The following LUZP2 variants were observed in gnomAD, a reference collection of about 807,000 sequenced individuals.
The protein encoded by LUZP2 is leucine zipper protein 2.
Under a neutral mutation model 51.6 loss-of-function variants are expected in LUZP2, and 52 were observed. The ratio of observed to expected loss-of-function variants is 1.01; its 90% CI spans 0.81 to 1.27. LUZP2 has a LOEUF of 1.27. LUZP2 is among the 50% of genes most tolerant of loss of function. LUZP2 has a pLI of 0.00. For synonymous variants in LUZP2, 154 were observed against 137.3 expected, an observed-to-expected ratio of 1.12 and a Z score of -0.85; for missense variants, 436 against 395.4, an observed-to-expected ratio of 1.10 and a Z score of -0.87.
At chr11:24,632,696 G>C (rs1854937501) in intron 1 of LUZP2, among the ~76,000 whole-genome samples, 1 of 151,972 alleles carries the variant, frequency 6.6e-6, no homozygotes, top group Non-Finnish European at 1.5e-5. Flanking sequence ...CCTAGCCTAT[G>C]TGAAAAACAT....
chr11:24,656,397 G>T (rs1250243882), intron 1 of LUZP2, among the ~76,000 whole-genome samples: 1 of 152,140 alleles, frequency 6.6e-6, no homozygotes, highest in South Asian at 2.1e-4. Flanking sequence ...ATAGAGGCTT[G>T]GTTACCTAAG....
intron 5 of LUZP2, among the ~76,000 whole-genome samples, chr11:24,783,298 C>A (rs1333497534): frequency 6.6e-6 from 1 of 151,798 alleles, no homozygotes; most frequent in Non-Finnish European, 1.5e-5. Context: ...TATGCCTTTG[C>A]TGACAGAGTG....
intron 7 of LUZP2, among the ~76,000 whole-genome samples, chr11:24,958,199 G>A (rs1338298959): frequency 6.6e-6 from 1 of 152,118 alleles, no homozygotes; most frequent in Non-Finnish European, 1.5e-5. Flanking sequence ...TGTGAATAGT[G>A]CCACAATAAA....
intron 1 of LUZP2, among the ~76,000 whole-genome samples, chr11:24,545,753 T>C (rs1851519960): frequency 6.6e-6 from 1 of 152,092 alleles, no homozygotes; most frequent in Admixed American, 6.6e-5. Flanking sequence ...TGCTTAGGAT[T>C]GCCTTTGTTA....
intron 5 of LUZP2, among the ~76,000 whole-genome samples, chr11:24,845,789 T>C (rs558050095): frequency 6.6e-6 from 1 of 152,262 alleles, no homozygotes; most frequent in African/African-American, 2.4e-5. Flanking sequence ...CATGACCTGC[T>C]CTTCCTTGCC....
intron 5 of LUZP2, among the ~76,000 whole-genome samples, chr11:24,877,474 TA>T (rs1852309902): frequency 6.6e-6 from 1 of 152,116 alleles, no homozygotes. Flanking sequence ...GGGTACATAG[TA>T]AGTATATATA....
chr11:24,676,029 G>T (rs2133859151), intron 1 of LUZP2, among the ~76,000 whole-genome samples: 1 of 152,080 alleles, frequency 6.6e-6, no homozygotes, highest in Admixed American at 6.6e-5. Flanking sequence ...ATGTTGGTCA[G>T]GCTAGTCTCG....
chr11:25,000,657 T>C (rs1856658469), intron 9 of LUZP2, among the ~76,000 whole-genome samples: 1 of 151,978 alleles, frequency 6.6e-6, no homozygotes, highest in African/African-American at 2.4e-5. Flanking sequence ...GGTATAAGAG[T>C]TTGAAAGGTG....
At chr11:24,734,264 A>G (rs1191848112) in intron 3 of LUZP2, among the ~76,000 whole-genome samples, 1 of 55,390 alleles carries the variant, frequency 1.8e-5, no homozygotes, top group East Asian at 3.1e-4. Context: ...GGATGAGGAG[A>G]CGGCTTATGC....
chr11:24,837,911 TCCC>T (rs1352102052), intron 5 of LUZP2, among the ~76,000 whole-genome samples: 1 of 151,640 alleles, frequency 6.6e-6, no homozygotes, highest in African/African-American at 2.4e-5. Flanking sequence ...ACCTGACTTC[TCCC>T]AGATAAACAA....
At chr11:24,572,292 C>T (rs1431981627) in intron 1 of LUZP2, among the ~76,000 whole-genome samples, 1 of 151,938 alleles carries the variant, frequency 6.6e-6, no homozygotes, top group Admixed American at 6.6e-5. Context: ...TCTACAGACT[C>T]AATTTGTTAG....
At chr11:24,521,350 C>CAAAAAA (rs11342837) in intron 1 of LUZP2, among the ~76,000 whole-genome samples, 1 of 87,180 alleles carries the variant, frequency 1.1e-5, no homozygotes, top group African/African-American at 4.7e-5. Flanking sequence ...GACTCCATCT[C>CAAAAAA]AAAAAAAAAA....
At chr11:25,007,806 A>T (rs1372131528) in intron 9 of LUZP2, among the ~76,000 whole-genome samples, 3 of 152,190 alleles carry the variant, frequency 2.0e-5, no homozygotes, top group Admixed American at 2.0e-4. Flanking sequence ...GGACTTAATC[A>T]TGAATATATA....
intron 5 of LUZP2, among the ~76,000 whole-genome samples, chr11:24,868,006 C>A (rs1254634293): frequency 6.6e-6 from 1 of 152,090 alleles, no homozygotes; most frequent in African/African-American, 2.4e-5. Flanking sequence ...TTGTTCTGAT[C>A]CATGGCCAGC....
chr11:24,530,378 C>A (rs1850955079), intron 1 of LUZP2, among the ~76,000 whole-genome samples: 1 of 150,776 alleles, frequency 6.6e-6, no homozygotes, highest in African/African-American at 2.4e-5. Context: ...TGCTAAGCTC[C>A]AGACTGATCA....
chr11:24,785,195 CATAT>C (rs1849208744), intron 5 of LUZP2, among the ~76,000 whole-genome samples: 2 of 152,036 alleles, frequency 1.3e-5, no homozygotes, highest in African/African-American at 4.8e-5. Flanking sequence ...ATTTAGTACA[CATAT>C]CTATATTGTG....
chr11:25,041,531 A>G (rs900570339), intron 9 of LUZP2, among the ~76,000 whole-genome samples: 5 of 152,160 alleles, frequency 3.3e-5, no homozygotes, highest in African/African-American at 1.2e-4. Flanking sequence ...TTTTAAGACA[A>G]TTAAATAAAA....
At chr11:24,592,259 A>C (rs1001834076) in intron 1 of LUZP2, among the ~76,000 whole-genome samples, 5 of 152,220 alleles carry the variant, frequency 3.3e-5, no homozygotes. Context: ...TTGATGTTTC[A>C]TTCAATTACA....
At chr11:24,631,090 T>C (rs893501251) in intron 1 of LUZP2, among the ~76,000 whole-genome samples, 1 of 152,020 alleles carries the variant, frequency 6.6e-6, no homozygotes, top group Non-Finnish European at 1.5e-5. Context: ...TAAAAAGTTT[T>C]CTGGTGCCAT....
Sources: gnomAD v4.1 joint callset for allele counts (sites outside exome capture counted in the v4.1 genomes callset) on GRCh38, gnomAD v4.1.1 for gene constraint, MANE v1.5 for transcripts, NCBI Gene and HGNC (gene_info 2026-07-23, HGNC 2026-07-21) for gene names.